Variants in RCC2 observed in about 807,000 individuals in gnomAD.
The protein encoded by RCC2 is protein RCC2.
A neutral mutation model predicts 64.1 loss-of-function variants in RCC2; 19 were observed. The ratio of observed to expected loss-of-function variants is 0.30; its 90% CI spans 0.21 to 0.44. The LOEUF (loss-of-function observed/expected upper bound fraction) is 0.44. Ranked by LOEUF, RCC2 falls within the 20% of genes least tolerant of loss-of-function variation. The pLI, the probability that RCC2 is intolerant of heterozygous loss-of-function variation, is 1.00. For synonymous variants in RCC2, 325 were observed against 279.6 expected, an observed-to-expected ratio of 1.16 and a Z score of -1.62; for missense variants, 508 against 710.4, an observed-to-expected ratio of 0.72 and a Z score of 3.24.
intron 3 of RCC2, among the ~76,000 whole-genome samples, chr1:17,426,921 C>G (rs1180163463): frequency 1.3e-5 from 2 of 152,070 alleles, no homozygotes; most frequent in African/African-American, 4.8e-5. Context: ...TGCCATCACA[C>G]CCAGCTAATT....
At chr1:17,434,227 C>G (rs2075713474) in intron 2 of RCC2, among the ~76,000 whole-genome samples, 1 of 152,216 alleles carries the variant, frequency 6.6e-6, no homozygotes, top group Admixed American at 6.5e-5. Context: ...ACACTGGCAG[C>G]CCCCAGGCAG....
chr1:17,437,657 G>C (rs975641907), intron 2 of RCC2, among the ~76,000 whole-genome samples: 5 of 151,794 alleles, frequency 3.3e-5, no homozygotes, highest in Non-Finnish European at 5.9e-5. Flanking sequence ...CCCGACCTCG[G>C]GGGAGGGCTC....
At chr1:17,414,267 T>C (rs1368679636) in intron 8 of RCC2, among the ~76,000 whole-genome samples, 1 of 152,100 alleles carries the variant, frequency 6.6e-6, no homozygotes, top group South Asian at 2.1e-4. Context: ...CAGTGGCTCA[T>C]GCCTGTAATC....
intron 1 of RCC2, 35 bp downstream of exon 1, chr1:17,439,510 C>G (rs948672869): frequency 6.7e-6 from 1 of 148,394 alleles, no homozygotes; most frequent in Non-Finnish European, 1.5e-5. Context: ...TTCCCAGACC[C>G]CACAAACTGA....
At chr1:17,439,029 C>T (rs371225138) in intron 1 of RCC2, among the ~76,000 whole-genome samples, 4 of 151,716 alleles carry the variant, frequency 2.6e-5, no homozygotes, top group African/African-American at 9.7e-5. Flanking sequence ...GCAACGCTCT[C>T]CCCCACCCCG....
At chr1:17,424,139 C>T (rs2075587803) in intron 4 of RCC2, among the ~76,000 whole-genome samples, 1 of 152,244 alleles carries the variant, frequency 6.6e-6, no homozygotes, top group South Asian at 2.1e-4. Context: ...GGAGACCCCA[C>T]ATGAGCAATG....
intron 2 of RCC2, among the ~76,000 whole-genome samples, chr1:17,437,391 G>C (rs2075745740): frequency 6.6e-6 from 1 of 152,226 alleles, no homozygotes; most frequent in Non-Finnish European, 1.5e-5. Flanking sequence ...CAAACTTAAA[G>C]AAAGTTCTGT....
At position 17,410,390 on chromosome 1, in the gene RCC2, G is replaced by A. The variant is rs187582178; in HGVS notation, c.1387-339C>T. Among the ~76,000 whole-genome samples the A allele has an allele frequency of 4.1e-3, 626 of 152,260 alleles. 1 individual carries two copies. The highest frequency in any genetic ancestry group is 6.5e-3 in the Admixed American group (100 of 15,284). On this transcript the variant is annotated intron_variant, in intron 11 of 12. Coordinates refer to ENST00000375436, the MANE Select transcript of RCC2 (RefSeq NM_018715.4). ...CGAGTGCAGGAAGAATGGCAACTGCGGCCCTTCAGGACCAAAGCGACCAAG... is the reference window on the plus strand; with the variant it reads ...CGAGTGCAGGAAGAATGGCAACTGCAGCCCTTCAGGACCAAAGCGACCAAG...
chr1:17,432,866 G>A (rs751879561), intron 2 of RCC2, among the ~76,000 whole-genome samples: 3 of 152,184 alleles, frequency 2.0e-5, no homozygotes, highest in African/African-American at 7.2e-5. Context: ...GCTGAGACAG[G>A]AGAAGGGCAT....
Position 17,417,600 on chromosome 1 carries a change from T to A in RCC2, c.860-954A>T, listed in dbSNP as rs2075502243. On this transcript the variant is annotated intron_variant, in intron 7 of 12. Coordinates refer to ENST00000375436, the MANE Select transcript of RCC2 (RefSeq NM_018715.4). ...GGGAAGGCTGAGGCAGAAGAATCGCTTGAACCTGGGAGGTGGAGGTTGCAG... is the reference window on the plus strand; with the variant it reads ...GGGAAGGCTGAGGCAGAAGAATCGCATGAACCTGGGAGGTGGAGGTTGCAG... Among the ~76,000 whole-genome samples, 5 of 152,082 alleles carry A rather than the reference T, an allele frequency of 3.3e-5. No homozygotes were observed. In the South Asian group the frequency reaches 1.0e-3, roughly 32 times the overall value.
chr1:17,428,881 T>G (rs558717351), intron 3 of RCC2, among the ~76,000 whole-genome samples: 1 of 152,392 alleles, frequency 6.6e-6, no homozygotes, highest in South Asian at 2.1e-4. Flanking sequence ...TTTTCCTGAT[T>G]AATCTTAACG....
In RCC2 at chr1:17,422,220, C is replaced by G. The variant is rs776006994; in HGVS notation, c.727G>C (p.Val243Leu). ...QLGLGNQTDAVPSPAQIMYNG... is the reference protein window; with the variant it reads ...QLGLGNQTDALPSPAQIMYNG... Reference sequence around the variant, plus strand: ...GGGGTCACCTGCGCGGGGCTGGGAACAGCGTCTGTCTGGTTGCCAAGGCCC... The same window carrying G: ...GGGGTCACCTGCGCGGGGCTGGGAAGAGCGTCTGTCTGGTTGCCAAGGCCC... Residue 243 changes from valine (V) to leucine (L), a missense_variant, in exon 6 of 13, where the codon GTT becomes CTT. By Grantham distance (32) the Val-to-Leu change is conservative. Coordinates refer to ENST00000375436, the MANE Select transcript of RCC2 (RefSeq NM_018715.4). The G allele has an allele frequency of 1.2e-6, 2 of 1,612,060 alleles. No individual in the cohort carries two copies. Among genetic ancestry groups the G allele is most frequent in the Non-Finnish European group, 1.7e-6 (2 of 1,179,434 alleles).
At chr1:17,420,315 A>C (rs2075541918) in intron 7 of RCC2, among the ~76,000 whole-genome samples, 2 of 152,144 alleles carry the variant, frequency 1.3e-5, no homozygotes, top group Admixed American at 1.3e-4. Flanking sequence ...AACCCGAAAT[A>C]ATCGCCCAGG....
intron 11 of RCC2, among the ~76,000 whole-genome samples, chr1:17,410,718 T>G (rs1379471656): frequency 6.6e-6 from 1 of 152,060 alleles, no homozygotes; most frequent in Non-Finnish European, 1.5e-5. Context: ...CCTGCCCACA[T>G]GTCCCTGGTT....
chr1:17,417,097 G>A (rs778505767), intron 7 of RCC2, among the ~76,000 whole-genome samples: 8 of 152,172 alleles, frequency 5.3e-5, no homozygotes, highest in Non-Finnish European at 1.0e-4. Context: ...AAAAGACCAA[G>A]AATAGACAGA....
intron 6 of RCC2, among the ~76,000 whole-genome samples, chr1:17,421,378 C>T (rs2075554250): frequency 6.6e-6 from 1 of 152,010 alleles, no homozygotes; most frequent in African/African-American, 2.4e-5. Context: ...GCCTGTAGTC[C>T]CAGCTACTCG....
intron 5 of RCC2, 79 bp downstream of exon 5, chr1:17,422,626 C>T (rs1466373102): frequency 6.5e-7 from 1 of 1,547,974 alleles, no homozygotes; most frequent in Non-Finnish European, 8.8e-7. Context: ...GGAACTCCAC[C>T]ACCCCACGCC....
chr1:17,426,659 C>T (rs778067242), intron 3 of RCC2, among the ~76,000 whole-genome samples: 15 of 152,120 alleles, frequency 9.9e-5, no homozygotes, highest in Admixed American at 4.6e-4. Context: ...ATGCCTGGCA[C>T]GCAGCGAGCA....
intron 2 of RCC2, among the ~76,000 whole-genome samples, chr1:17,431,808 G>T (rs1379929196): frequency 6.6e-6 from 1 of 151,892 alleles, no homozygotes; most frequent in East Asian, 2.0e-4. Flanking sequence ...CATGAAAAGG[G>T]GAAGTGAGGC....
Sources: allele counts gnomAD v4.1 joint callset (sites outside exome capture counted in the v4.1 genomes callset), GRCh38; gene constraint gnomAD v4.1.1; transcripts MANE v1.5; gene names NCBI Gene and HGNC (gene_info 2026-07-23, HGNC 2026-07-21).